The following RHPN1 variants were observed in gnomAD, a reference collection of about 807,000 sequenced individuals.
The protein encoded by RHPN1 is rhophilin-1.
A neutral mutation model predicts 74.7 loss-of-function variants in RHPN1; 77 were observed. The ratio of observed to expected loss-of-function variants is 1.03; its 90% CI spans 0.86 to 1.25. The LOEUF (loss-of-function observed/expected upper bound fraction) is 1.25, where lower values mean the gene tolerates loss of function less well. RHPN1 is among the 50% of genes most tolerant of loss of function. The pLI is 0.00. For synonymous variants in RHPN1, 444 were observed against 414.5 expected (o/e 1.07, Z -0.87); for missense variants, 987 against 932.2 (o/e 1.06, Z -0.77).
upstream of RHPN1, among the ~76,000 whole-genome samples, chr8:143,365,490 G>A (rs969617262): frequency 5.9e-5 from 9 of 152,246 alleles, no homozygotes; most frequent in African/African-American, 7.2e-5. Context: ...GGCATGCATG[G>A]AAGAAGCTGG....
chr8:143,377,547 C>G, intron 4 of RHPN1, 92 bp downstream of exon 4: 1 of 878,654 alleles, frequency 1.1e-6, no homozygotes, highest in Non-Finnish European at 1.8e-6. Flanking sequence ...TCTGGTTGAA[C>G]AGATAGGGAA....
At chr8:143,372,741 G>T (rs574740648) in intron 1 of RHPN1, among the ~76,000 whole-genome samples, 1 of 150,064 alleles carries the variant, frequency 6.7e-6, no homozygotes, top group African/African-American at 2.5e-5. Flanking sequence ...GGGATGGTGC[G>T]GGTGTCCAGC....
In RHPN1 at chr8:143,383,916, G is replaced by C. The variant is rs895288885; in HGVS notation, c.*1265G>C. 1 of 152,350 alleles carries C rather than the reference G, an allele frequency of 6.6e-6. No homozygotes were observed. The highest frequency in any genetic ancestry group is 1.5e-5 in the Non-Finnish European group (1 of 68,168). The allele number at this position is 152,350 out of a possible 1,614,324, so 9.4% of individuals were successfully genotyped here. On this transcript the variant is annotated 3_prime_UTR_variant, in exon 15 of 15. Coordinates refer to ENST00000289013, the MANE Select transcript of RHPN1 (RefSeq NM_052924.3). ...GTCCCTTCCGAGGGTCCGCAGGTGA[G>C]AGCAGCCTGCCCTGCATCCCAGGCT...
chr8:143,380,653 C>A lies in RHPN1; in HGVS notation c.1281C>A (p.Cys427Ter), dbSNP rs767665296. 1.3e-6 allele frequency: 2 copies of A among 1,566,820 alleles called. No individual in the cohort carries two copies. The highest frequency in any genetic ancestry group is 2.3e-5 in the South Asian group (2 of 85,298). The change falls in exon 11 of 15, where the codon TGC becomes TGA. Residue 427 changes from cysteine to a stop codon, truncating the protein, a stop_gained. Transcript: ENST00000289013. LOFTEE classifies it high-confidence loss of function. Reference protein sequence around the residue: ...QEEALRLHALCRVLREVDLLR... With the variant: ...QEEALRLHAL ...AGGCGCTGCGGCTGCACGCCCTGTG[C>A]CGCGTCCTGCGCGAGGTGGACCTGC...
intron 11 of RHPN1, 129 bp from the exon 12 acceptor site, chr8:143,381,139 C>G: frequency 1.3e-6 from 1 of 767,712 alleles, no homozygotes; most frequent in Non-Finnish European, 2.1e-6. Flanking sequence ...CCCACCATTG[C>G]AGAGTGGCCA....
At chr8:143,380,262 C>T (rs959655256) in intron 10 of RHPN1, 87 bp downstream of exon 10, 3 of 930,306 alleles carry the variant, frequency 3.2e-6, no homozygotes, top group East Asian at 2.7e-5. Context: ...TGCTGTTTGC[C>T]ACCTGCTGTC....
At chr8:143,367,182 A>T (rs1031972667), upstream of RHPN1, 1 of 152,220 alleles carries the variant, frequency 6.6e-6, no homozygotes, top group African/African-American at 2.4e-5. Context: ...CAAGGGCCCC[A>T]AAAGGCCAGG....
chr8:143,370,505 C>T (rs942543860), intron 1 of RHPN1, among the ~76,000 whole-genome samples: 2 of 152,214 alleles, frequency 1.3e-5, no homozygotes, highest in Non-Finnish European at 2.9e-5. Context: ...TTCAGTGGGT[C>T]AGGGGTCGGT....
At chr8:143,372,573 C>A (rs1817903331) in intron 1 of RHPN1, among the ~76,000 whole-genome samples, 1 of 151,982 alleles carries the variant, frequency 6.6e-6, no homozygotes, top group Admixed American at 6.5e-5. Flanking sequence ...CTCCTTCCGG[C>A]TGCCTGTGTC....
At chr8:143,380,828 G>T (rs372609060) in intron 11 of RHPN1, 45 bp downstream of exon 11, 2 of 1,445,660 alleles carry the variant, frequency 1.4e-6, no homozygotes, top group Admixed American at 2.5e-5. Flanking sequence ...CCTGGCCAGG[G>T]TGGGGGCCTT....
Position 143,381,786 on chromosome 8 carries a change from AC to A in RHPN1, c.1636-19del, listed in dbSNP as rs764783550. ...AGCCAGGGTGTCCTGTCCCCACCTC[AC>A]CGTCCAAGTCTCCCCACAGGCGGCT... is the stretch of plus-strand genomic sequence containing the variant. On this transcript the variant is annotated intron_variant, in intron 13 of 14. Transcript: ENST00000289013. 8.1e-6 allele frequency: 13 copies of A among 1,609,014 alleles called. No homozygotes were observed. In the South Asian group the frequency reaches 1.4e-4, roughly 18 times the overall value.
chr8:143,375,989 G>C (rs552858015), intron 2 of RHPN1, among the ~76,000 whole-genome samples: 4 of 152,226 alleles, frequency 2.6e-5, no homozygotes, highest in Non-Finnish European at 5.9e-5. Flanking sequence ...GTGATGGCGC[G>C]TCCCAAGGTT....
Position 143,380,191 on chromosome 8 carries a change from G to T in RHPN1, c.1216+16G>T, listed in dbSNP as rs775933144. The T allele has an allele frequency of 6.6e-7, 1 of 1,508,662 alleles. No homozygotes were observed. Among genetic ancestry groups the T allele is most frequent in the Non-Finnish European group, 8.9e-7 (1 of 1,122,938 alleles). 93.5% of individuals were successfully genotyped at this position (1,508,662 alleles called of 1,614,324 possible). A position where few individuals can be genotyped will look rare whatever the true frequency, so the allele number is the denominator to read the frequency against. On this transcript the variant is annotated intron_variant, in intron 10 of 14. Coordinates refer to ENST00000289013, the MANE Select transcript of RHPN1 (RefSeq NM_052924.3). ...AGGCAGCTTGGTAAGGCGCCCATGGGTGGAGTGCCCTGGGGCTCAGATGGT... is the reference window on the plus strand; with the variant it reads ...AGGCAGCTTGGTAAGGCGCCCATGGTTGGAGTGCCCTGGGGCTCAGATGGT...
rs370418616 is a variant in RHPN1, at chr8:143,381,608, C to T, written c.1525C>T (p.Arg509Trp). 6.8e-6 allele frequency: 11 copies of T among 1,610,002 alleles called. No homozygotes were observed. The highest frequency in any genetic ancestry group is 3.3e-4 in the Middle Eastern group (2 of 6,042). Residue 509 changes from arginine (R) to tryptophan (W), a missense_variant, in exon 13 of 15, where the codon CGG becomes TGG. Physicochemically the swap from Arg to Trp is moderately radical, Grantham distance 101. Coordinates refer to ENST00000289013, the MANE Select transcript of RHPN1 (RefSeq NM_052924.3). ...TGTGTTCTCAGCCAAGAACCGGTGG[C>T]GGCTGGTGGGGCCCGTCCACCTGAC... ...LSVFSAKNRW[R>W]LVGPVHLTRG...
In RHPN1 at chr8:143,368,876, A is replaced by C; in HGVS notation, c.-112A>C. 7.4e-6 allele frequency: 5 copies of C among 673,496 alleles called. No individual in the cohort carries two copies. The highest frequency in any genetic ancestry group is 7.8e-5 in the East Asian group (2 of 25,582). The allele number at this position is 673,496 out of a possible 1,614,324, so 41.7% of individuals were successfully genotyped here. A position where few individuals can be genotyped will look rare whatever the true frequency, so the allele number is the denominator to read the frequency against. ...GGGACAGTCGGGGACCGGCGCGGGC[A>C]CTCAGGAGCCCGCGGCCCAGGTGGT... On this transcript the variant is annotated 5_prime_UTR_variant, in exon 1 of 15. Transcript: ENST00000289013.
upstream of RHPN1, among the ~76,000 whole-genome samples, chr8:143,366,401 AAAC>A (rs1817556241): frequency 1.3e-5 from 2 of 152,300 alleles, no homozygotes; most frequent in Admixed American, 1.3e-4. Flanking sequence ...TAATTTAAAA[AAAC>A]AAAAAGGAAA....
intron 7 of RHPN1, 98 bp downstream of exon 7, chr8:143,379,176 G>C (rs1195995601): frequency 6.5e-6 from 9 of 1,380,854 alleles, no homozygotes; most frequent in Non-Finnish European, 8.6e-6. Context: ...TAGGACATCA[G>C]TCCCTCAGGT....
Position 143,381,836 on chromosome 8 carries a change from T to G in RHPN1, c.1665T>G (p.Ile555Met). Reference protein sequence around the residue: ...AAAGLKEGDYIVSVNGQPCRW... With the variant: ...AAAGLKEGDYMVSVNGQPCRW... ...CTGGCCTGAAGGAGGGCGACTACATTGTGTCAGTGAATGGGCAGCCATGCA... is the reference window on the plus strand; with the variant it reads ...CTGGCCTGAAGGAGGGCGACTACATGGTGTCAGTGAATGGGCAGCCATGCA... The change falls in exon 14 of 15, where the codon ATT becomes ATG. Residue 555 changes from isoleucine to methionine, a missense_variant. Coordinates refer to ENST00000289013, the MANE Select transcript of RHPN1 (RefSeq NM_052924.3). The G allele has an allele frequency of 6.2e-7, 1 of 1,613,032 alleles. No individual in the cohort carries two copies. The highest frequency in any genetic ancestry group is 8.5e-7 in the Non-Finnish European group (1 of 1,179,736).
At chr8:143,376,714 T>C (rs1586817574) in intron 3 of RHPN1, 61 bp downstream of exon 3, 13 of 1,508,034 alleles carry the variant, frequency 8.6e-6, no homozygotes, top group Admixed American at 7.9e-5. Flanking sequence ...CGTGTGTGTG[T>C]GCATGTGTGT....
Sources: gnomAD v4.1 joint callset for allele counts (sites outside exome capture counted in the v4.1 genomes callset) on GRCh38, gnomAD v4.1.1 for gene constraint, MANE v1.5 for transcripts, NCBI Gene and HGNC (gene_info 2026-07-23, HGNC 2026-07-21) for gene names.